The following ADGRV1 variants were observed in gnomAD, a reference collection of about 807,000 sequenced individuals.
ADGRV1 encodes the protein G-protein coupled receptor 98.
Under a neutral mutation model 596.2 loss-of-function variants are expected in ADGRV1, and 359 were observed. The ratio of observed to expected loss-of-function variants is 0.60; its 90% confidence interval spans 0.55 to 0.66. The LOEUF (loss-of-function observed/expected upper bound fraction) is 0.66. Ranked by LOEUF, ADGRV1 falls within the 30% of genes least tolerant of loss-of-function variation. The probability of loss-of-function intolerance (pLI) is 0.00; values close to 1 mark genes in which losing one functional copy is unlikely to be tolerated. For missense variants in ADGRV1, 7,274 were observed against 7,575.6 expected (o/e 0.96, Z 1.48); for synonymous variants, 2,681 against 2,679.2 (o/e 1.00, Z -0.02).
At chr5:90,850,390 C>T (rs1193544510) in intron 79 of ADGRV1, among the ~76,000 whole-genome samples, 2 of 152,184 alleles carry the variant, frequency 1.3e-5, no homozygotes, top group Admixed American at 6.5e-5. Flanking sequence ...CACCACTGCT[C>T]CTAAATGTCC....
chr5:90,990,469 C>T (rs1424091140), intron 85 of ADGRV1, among the ~76,000 whole-genome samples: 1 of 152,116 alleles, frequency 6.6e-6, no homozygotes, highest in African/African-American at 2.4e-5. Context: ...AAAGGAAGGC[C>T]TTAACAATGC....
intron 86 of ADGRV1, among the ~76,000 whole-genome samples, chr5:91,072,897 G>A (rs1371316483): frequency 2.0e-5 from 3 of 152,148 alleles, no homozygotes; most frequent in African/African-American, 7.2e-5. Flanking sequence ...ATTAAGTGAA[G>A]CAATAATAAC....
chr5:90,750,594 T>C lies in ADGRV1; in HGVS notation c.11018T>C (p.Leu3673Pro), dbSNP rs761061042. Residue 3673 changes from leucine to proline, a missense_variant, in exon 53 of 90, where the codon CTA becomes CCA. Transcript: ENST00000405460. ...KQVEEMEQDS[L>P]VTLNVERLKG... ...GTGGAAGAAATGGAGCAAGATAGCC[T>C]AGTAACCTTGAACGTTGAACGCTTA... 8.1e-6 allele frequency: 13 copies of C among 1,612,452 alleles called. No individual in the cohort carries two copies. In the East Asian group the frequency reaches 1.6e-4, roughly 19 times the overall value.
chr5:90,858,882 C>T (rs1767282001), intron 82 of ADGRV1, among the ~76,000 whole-genome samples: 1 of 152,158 alleles, frequency 6.6e-6, no homozygotes, highest in Admixed American at 6.5e-5. Flanking sequence ...AATGTCCAGG[C>T]TTGCCAGGGG....
chr5:91,032,458 A>G (rs965034606), intron 85 of ADGRV1, among the ~76,000 whole-genome samples: 3 of 152,144 alleles, frequency 2.0e-5, no homozygotes, highest in African/African-American at 7.2e-5. Context: ...AGAGTCGTCT[A>G]TCTCTGCTAC....
chr5:91,075,996 A>C (rs1429312392), intron 86 of ADGRV1, among the ~76,000 whole-genome samples: 1 of 152,138 alleles, frequency 6.6e-6, no homozygotes, highest in African/African-American at 2.4e-5. Context: ...CCTCCTCATT[A>C]GTTGGTAAAA....
chr5:91,097,194 G>A (rs1222498034), intron 86 of ADGRV1, among the ~76,000 whole-genome samples: 2 of 152,156 alleles, frequency 1.3e-5, no homozygotes, highest in African/African-American at 2.4e-5. Context: ...TGTCTGGCAA[G>A]GGCCCAGATT....
chr5:90,840,769 C>A lies in ADGRV1; in HGVS notation c.16803C>A (p.Asp5601Glu). Residue 5601 changes from aspartate (D) to glutamate (E), a missense_variant, in exon 78 of 90, where the codon GAC becomes GAA. Coordinates refer to ENST00000405460, the MANE Select transcript of ADGRV1 (RefSeq NM_032119.4). The part of the protein sequence containing the change: ...FPKRFQIVLF[D>E]PKGGARIDKV... ...AACGCTTCCAGATTGTCCTTTTTGACCCAAAAGGTGGTGCCAGAATTGATA... is the reference window on the plus strand; with the variant it reads ...AACGCTTCCAGATTGTCCTTTTTGAACCAAAAGGTGGTGCCAGAATTGATA... The A allele has an allele frequency of 6.2e-7, 1 of 1,613,878 alleles. No homozygotes were observed. Among genetic ancestry groups the A allele is most frequent in the Non-Finnish European group, 8.5e-7 (1 of 1,179,796 alleles).
intron 87 of ADGRV1, among the ~76,000 whole-genome samples, chr5:91,136,100 A>G (rs1794614685): frequency 6.6e-6 from 1 of 152,140 alleles, no homozygotes; most frequent in Admixed American, 6.5e-5. Context: ...GTATGCCTGT[A>G]GTGGAGAATC....
rs1780542289 is a variant in ADGRV1, at chr5:90,986,894, T to C, written c.18152+1372T>C. 2.6e-5 allele frequency among the ~76,000 whole-genome samples: 4 copies of C among 152,274 alleles called. No individual in the cohort carries two copies. In the South Asian group the frequency reaches 8.3e-4, roughly 32 times the overall value. ...CCGTGGTGGCTAGCAGATCATTCTTTTCATGAGCTCCCTGGCAAGACAGGA... is the reference window on the plus strand; with the variant it reads ...CCGTGGTGGCTAGCAGATCATTCTTCTCATGAGCTCCCTGGCAAGACAGGA... On this transcript the variant is annotated intron_variant, in intron 85 of 89. Transcript: ENST00000405460.
At chr5:90,795,317 G>A (rs1161460751) in intron 70 of ADGRV1, among the ~76,000 whole-genome samples, 1 of 152,134 alleles carries the variant, frequency 6.6e-6, no homozygotes, top group Non-Finnish European at 1.5e-5. Flanking sequence ...TTGGTTGGGG[G>A]AGGAGCGTCC....
intron 84 of ADGRV1, among the ~76,000 whole-genome samples, chr5:90,979,166 T>C (rs1019979304): frequency 1.3e-5 from 2 of 151,820 alleles, no homozygotes; most frequent in African/African-American, 4.8e-5. Flanking sequence ...TGTGTCAATT[T>C]CTTTTTTTTT....
Position 90,564,905 on chromosome 5 carries a change from C to T in ADGRV1, c.22+5988C>T, listed in dbSNP as rs1301870756. 7.7e-5 allele frequency among the ~76,000 whole-genome samples: 2 copies of T among 26,142 alleles called. 1 individual carries two copies. The highest frequency in any genetic ancestry group is 1.5e-4 in the Non-Finnish European group (2 of 13,502). 17.2% of individuals were successfully genotyped at this position (26,142 alleles called of 152,430 possible). ...CCTCCCAAAGTGCTGGGATTACAGG[C>T]GTGAGCCACCGCGCCCGGCCGGCGT... On this transcript the variant is annotated intron_variant, in intron 1 of 89. Coordinates refer to ENST00000405460, the MANE Select transcript of ADGRV1 (RefSeq NM_032119.4).
intron 1 of ADGRV1, among the ~76,000 whole-genome samples, chr5:90,608,136 C>T (rs375519714): frequency 4.6e-5 from 7 of 151,512 alleles, no homozygotes; most frequent in African/African-American, 7.3e-5. Flanking sequence ...ATCAAAGAAT[C>T]GGTAATTAAG....
At chr5:90,986,513 A>G (rs1780512048) in intron 85 of ADGRV1, among the ~76,000 whole-genome samples, 1 of 152,118 alleles carries the variant, frequency 6.6e-6, no homozygotes, top group African/African-American at 2.4e-5. Flanking sequence ...CATACCCCAT[A>G]CCACATTCAG....
intron 83 of ADGRV1, among the ~76,000 whole-genome samples, chr5:90,926,795 A>G (rs1177585316): frequency 6.7e-6 from 1 of 150,082 alleles, no homozygotes; most frequent in Non-Finnish European, 1.5e-5. Context: ...CCCTCTACAC[A>G]CTGCTTTGAA....
intron 85 of ADGRV1, among the ~76,000 whole-genome samples, chr5:91,010,718 T>C (rs1377487659): frequency 6.6e-6 from 1 of 152,010 alleles, no homozygotes; most frequent in African/African-American, 2.4e-5. Flanking sequence ...CAAATTTGCA[T>C]CCTAAGAATC....
At chr5:90,612,917 T>G (rs1353329321) in intron 1 of ADGRV1, among the ~76,000 whole-genome samples, 1 of 152,082 alleles carries the variant, frequency 6.6e-6, no homozygotes, top group Non-Finnish European at 1.5e-5. Flanking sequence ...AAGGATGAGT[T>G]GGATCAGAAT....
chr5:90,855,534 T>C (rs1162828055), intron 81 of ADGRV1, among the ~76,000 whole-genome samples: 1 of 152,174 alleles, frequency 6.6e-6, no homozygotes, highest in Non-Finnish European at 1.5e-5. Context: ...GGTTGGTATT[T>C]AGGCTGCTTC....
Sources: allele counts gnomAD v4.1 joint callset (sites outside exome capture counted in the v4.1 genomes callset), GRCh38; gene constraint gnomAD v4.1.1; transcripts MANE v1.5; gene names NCBI Gene and HGNC (gene_info 2026-07-23, HGNC 2026-07-21).